The following ARHGAP42 variants were observed in gnomAD, a reference collection of about 807,000 sequenced individuals.
ARHGAP42 encodes the protein rho GTPase-activating protein 42.
In ARHGAP42, 63 loss-of-function variants were observed where a neutral mutation model predicts 125.0. The ratio of observed to expected loss-of-function variants is 0.50; its 90% CI spans 0.41 to 0.62. ARHGAP42 has a LOEUF of 0.62. Ranked by LOEUF, ARHGAP42 falls within the 20% of genes least tolerant of loss-of-function variation. The pLI is 0.00. For synonymous variants in ARHGAP42, 339 were observed against 351.0 expected (o/e 0.97, Z 0.38); for missense variants, 766 against 1,024.2 (o/e 0.75, Z 3.44).
chr11:100,743,428 G>A (rs1413977699), intron 1 of ARHGAP42, among the ~76,000 whole-genome samples: 1 of 152,194 alleles, frequency 6.6e-6, no homozygotes, highest in African/African-American at 2.4e-5. Context: ...CTAGTGAGAA[G>A]CTTGCTTTTA....
chr11:100,831,208 G>T (rs1461837232), intron 3 of ARHGAP42, among the ~76,000 whole-genome samples: 1 of 152,090 alleles, frequency 6.6e-6, no homozygotes, highest in African/African-American at 2.4e-5. Flanking sequence ...CCAGCCAGCT[G>T]TTGTGATGAT....
intron 3 of ARHGAP42, among the ~76,000 whole-genome samples, chr11:100,817,883 T>G (rs1160082998): frequency 6.6e-6 from 1 of 152,172 alleles, no homozygotes; most frequent in Non-Finnish European, 1.5e-5. Context: ...CGTGAAGTGT[T>G]GGTGATGATA....
chr11:100,789,607 T>A (rs1863518426), intron 2 of ARHGAP42, among the ~76,000 whole-genome samples: 1 of 152,196 alleles, frequency 6.6e-6, no homozygotes, highest in African/African-American at 2.4e-5. Flanking sequence ...ACCAAGCATG[T>A]GCTCACGTGA....
intron 4 of ARHGAP42, among the ~76,000 whole-genome samples, chr11:100,908,734 G>T (rs571198027): frequency 6.6e-6 from 1 of 152,316 alleles, no homozygotes; most frequent in South Asian, 2.1e-4. Flanking sequence ...TTGATCTAAT[G>T]ATTTCTTTCC....
At chr11:100,877,976 G>A (rs1367299031) in intron 4 of ARHGAP42, among the ~76,000 whole-genome samples, 1 of 135,870 alleles carries the variant, frequency 7.4e-6, no homozygotes, top group African/African-American at 2.8e-5. Flanking sequence ...CTGCACTCCA[G>A]CCTGGGTGAC....
chr11:100,969,739 C>T (rs1379435909), intron 17 of ARHGAP42, among the ~76,000 whole-genome samples: 1 of 152,054 alleles, frequency 6.6e-6, no homozygotes, highest in African/African-American at 2.4e-5. Context: ...ACATGGTTTT[C>T]TTGAGGACTT....
intron 1 of ARHGAP42, among the ~76,000 whole-genome samples, chr11:100,710,202 A>T (rs1861538450): frequency 6.6e-6 from 1 of 152,020 alleles, no homozygotes. Flanking sequence ...TCTTTTATAT[A>T]TTATAACATT....
intron 3 of ARHGAP42, among the ~76,000 whole-genome samples, chr11:100,844,462 T>C (rs1320560080): frequency 6.6e-6 from 1 of 151,948 alleles, no homozygotes; most frequent in East Asian, 1.9e-4. Flanking sequence ...TTAATTAAAC[T>C]AAAAAGCTTT....
chr11:100,712,546 A>T (rs533582610), intron 1 of ARHGAP42, among the ~76,000 whole-genome samples: 37 of 152,264 alleles, frequency 2.4e-4, no homozygotes, highest in African/African-American at 8.4e-4. Context: ...CAGAAGTGGG[A>T]TAAGGGAAGT....
At chr11:100,725,834 C>T (rs1861849081) in intron 1 of ARHGAP42, among the ~76,000 whole-genome samples, 1 of 150,146 alleles carries the variant, frequency 6.7e-6, no homozygotes, top group Admixed American at 6.7e-5. Flanking sequence ...ACTCAGGAGG[C>T]TGTGGCAGGA....
intron 16 of ARHGAP42, among the ~76,000 whole-genome samples, chr11:100,964,996 G>A (rs532584379): frequency 5.3e-5 from 8 of 152,046 alleles, no homozygotes; most frequent in East Asian, 1.9e-4. Context: ...TCACAGTTCC[G>A]CAGGGCTGGG....
At chr11:100,721,015 C>T (rs768567149) in intron 1 of ARHGAP42, among the ~76,000 whole-genome samples, 26 of 151,904 alleles carry the variant, frequency 1.7e-4, no homozygotes, top group Non-Finnish European at 3.4e-4. Flanking sequence ...TCTTCCCTGC[C>T]CCCATACACA....
intron 12 of ARHGAP42, among the ~76,000 whole-genome samples, chr11:100,952,470 A>G (rs897743946): frequency 2.0e-5 from 3 of 152,188 alleles, no homozygotes; most frequent in Non-Finnish European, 4.4e-5. Context: ...ACTCAATTGC[A>G]TAGTGATTTC....
At chr11:100,834,842 CT>C (rs796992628) in intron 3 of ARHGAP42, among the ~76,000 whole-genome samples, 1,642 of 130,806 alleles carry the variant, frequency 0.013, 22 homozygotes, top group African/African-American at 0.039. Flanking sequence ...CTTCTGAGTC[CT>C]TTTTTTTTTT....
intron 17 of ARHGAP42, among the ~76,000 whole-genome samples, chr11:100,967,505 T>C (rs1008389096): frequency 1.3e-5 from 2 of 152,150 alleles, no homozygotes; most frequent in Admixed American, 6.5e-5. Context: ...TATTTGCTAG[T>C]GGTATTAAAT....
At chr11:100,986,295 A>G (rs1858676911) in intron 22 of ARHGAP42, 3 of 348,302 alleles carry the variant, frequency 8.6e-6, no homozygotes, top group South Asian at 2.3e-5. Flanking sequence ...CCTGAAGTAC[A>G]TGGCCATGTG....
At chr11:100,873,620 A>G (rs1045789037) in intron 4 of ARHGAP42, among the ~76,000 whole-genome samples, 8 of 152,194 alleles carry the variant, frequency 5.3e-5, no homozygotes, top group Non-Finnish European at 1.0e-4. Context: ...AATAATGAAG[A>G]TCAGGATATA....
chr11:100,748,294 T>C (rs921924348), intron 1 of ARHGAP42, among the ~76,000 whole-genome samples: 1 of 152,212 alleles, frequency 6.6e-6, no homozygotes, highest in African/African-American at 2.4e-5. Flanking sequence ...AGGCCAATTA[T>C]TAGGCAATTT....
intron 2 of ARHGAP42, among the ~76,000 whole-genome samples, chr11:100,794,726 ATGTT>A (rs1056561479): frequency 4.6e-5 from 7 of 152,198 alleles, no homozygotes; most frequent in Admixed American, 1.3e-4. Context: ...AGACTTAAAA[ATGTT>A]TGGTTATTTG....
Sources: gnomAD v4.1 joint callset for allele counts (sites outside exome capture counted in the v4.1 genomes callset) on GRCh38, gnomAD v4.1.1 for gene constraint, MANE v1.5 for transcripts, NCBI Gene and HGNC (gene_info 2026-07-23, HGNC 2026-07-21) for gene names.